Variants in PCMTD1 observed in about 807,000 individuals in gnomAD.
The protein encoded by PCMTD1 is protein-L-isoaspartate (D-aspartate) O-methyltransferase domain containing 1, also known as protein-L-isoaspartate O-methyltransferase domain-containing protein 1.
A neutral mutation model predicts 37.6 loss-of-function variants in PCMTD1; 12 were observed. The ratio of observed to expected loss-of-function variants is 0.32; its 90% CI spans 0.20 to 0.52. PCMTD1 has a LOEUF of 0.52. Ranked by LOEUF, PCMTD1 falls within the 20% of genes least tolerant of loss-of-function variation. The probability of loss-of-function intolerance (pLI) is 0.97; values close to 1 mark genes in which losing one functional copy is unlikely to be tolerated. For missense variants in PCMTD1, 235 were observed against 421.3 expected (o/e 0.56, Z 3.87); for synonymous variants, 117 against 135.8 (o/e 0.86, Z 0.96).
At chr8:51,894,099 G>T (rs558154948) in intron 1 of PCMTD1, among the ~76,000 whole-genome samples, 1 of 152,096 alleles carries the variant, frequency 6.6e-6, no homozygotes, top group Non-Finnish European at 1.5e-5. Flanking sequence ...TGGGAGGTGG[G>T]GGCTCTAGGG....
At chr8:51,854,055 G>A (rs894938135) in intron 2 of PCMTD1, among the ~76,000 whole-genome samples, 1 of 152,130 alleles carries the variant, frequency 6.6e-6, no homozygotes, top group East Asian at 1.9e-4. Flanking sequence ...GACAATCTTG[G>A]TTGGGAAACA....
At chr8:51,879,185 G>C (rs896037769) in intron 1 of PCMTD1, among the ~76,000 whole-genome samples, 1 of 151,168 alleles carries the variant, frequency 6.6e-6, no homozygotes, top group African/African-American at 2.4e-5. Flanking sequence ...TTCCTTCACA[G>C]TATATATGTC....
Position 51,861,253 on chromosome 8 carries a change from G to T in PCMTD1, c.-95-7C>A, listed in dbSNP as rs993223207. 5.6e-6 allele frequency: 8 copies of T among 1,437,842 alleles called. No individual in the cohort carries two copies. In the East Asian group the frequency reaches 7.4e-5, roughly 13 times the overall value. 89.1% of individuals were successfully genotyped at this position (1,437,842 alleles called of 1,614,324 possible). A position where few individuals can be genotyped will look rare whatever the true frequency, so the allele number is the denominator to read the frequency against. On this transcript the variant is annotated splice_polypyrimidine_tract_variant and splice_region_variant and intron_variant, in intron 1 of 5. Coordinates refer to ENST00000522514, the MANE Select transcript of PCMTD1 (RefSeq NM_052937.4). Reference sequence around the variant, plus strand: ...TTCCAAAAATAAATTAATCCTGGAAGGGAAGAACAAAAATAAACAGGTTTA... The same window carrying T: ...TTCCAAAAATAAATTAATCCTGGAATGGAAGAACAAAAATAAACAGGTTTA...
At chr8:51,856,463 A>C (rs1047446915) in intron 2 of PCMTD1, among the ~76,000 whole-genome samples, 3 of 152,216 alleles carry the variant, frequency 2.0e-5, no homozygotes, top group Admixed American at 2.0e-4. Flanking sequence ...TCTCTTAAAA[A>C]CATAAATTTA....
rs2037996841 is a variant in PCMTD1, at chr8:51,831,437, TACTTAC to T, written c.706+1_706+6del. On this transcript the variant is annotated splice_donor_variant and splice_donor_5th_base_variant and intron_variant, in intron 5 of 5. Transcript: ENST00000522514. LOFTEE classifies it high-confidence loss of function. ...AATTCAATCAGAAAATATGAAGAGCTACTTACGGAGTCCCACAGAATCTGGTTTGCC... is the reference window on the plus strand; with the variant it reads ...AATTCAATCAGAAAATATGAAGAGCTGGAGTCCCACAGAATCTGGTTTGCC... The T allele has an allele frequency of 6.2e-7, 1 of 1,611,366 alleles. No homozygotes were observed. Among genetic ancestry groups the T allele is most frequent in the Non-Finnish European group, 8.5e-7 (1 of 1,179,128 alleles).
rs1417173930 is a variant in PCMTD1, at chr8:51,898,944, G to C, written c.-110C>G. 6 of 1,412,596 alleles carry C rather than the reference G, an allele frequency of 4.2e-6. No individual in the cohort carries two copies. Among genetic ancestry groups the C allele is most frequent in the Non-Finnish European group, 5.5e-6 (6 of 1,084,294 alleles). 87.5% of individuals were successfully genotyped at this position (1,412,596 alleles called of 1,614,324 possible). ...GGCGGCGTTACCTGTGGCGCGGGCA[G>C]CGGCGCGCAGGCCAGGCGCTAGGAC... On this transcript the variant is annotated 5_prime_UTR_variant, in exon 1 of 6. Coordinates refer to ENST00000522514, the MANE Select transcript of PCMTD1 (RefSeq NM_052937.4).
intron 5 of PCMTD1, among the ~76,000 whole-genome samples, chr8:51,831,216 T>G (rs900080768): frequency 4.0e-5 from 6 of 151,720 alleles, no homozygotes; most frequent in Non-Finnish European, 8.8e-5. Flanking sequence ...AAGAATCGCT[T>G]GAACCCAGGA....
At chr8:51,845,073 C>T (rs2038198946) in intron 3 of PCMTD1, 1 of 152,234 alleles carries the variant, frequency 6.6e-6, no homozygotes, top group Admixed American at 6.5e-5. Flanking sequence ...GGATTACACA[C>T]CAAATGGACT....
chr8:51,876,222 T>C (rs2038711410), intron 1 of PCMTD1, among the ~76,000 whole-genome samples: 1 of 152,140 alleles, frequency 6.6e-6, no homozygotes, highest in African/African-American at 2.4e-5. Flanking sequence ...ATACTTTTGA[T>C]TTTAGGTGCC....
At chr8:51,877,259 G>A (rs1403851473) in intron 1 of PCMTD1, among the ~76,000 whole-genome samples, 2 of 152,152 alleles carry the variant, frequency 1.3e-5, no homozygotes, top group East Asian at 1.9e-4. Flanking sequence ...TGCTCTGTCC[G>A]GTTTTCACTG....
intron 1 of PCMTD1, among the ~76,000 whole-genome samples, chr8:51,890,739 G>C (rs1384518242): frequency 1.3e-5 from 2 of 152,156 alleles, no homozygotes; most frequent in East Asian, 1.9e-4. Context: ...CATGTGCTTG[G>C]CAGTATAAAT....
chr8:51,866,236 G>A (rs565694748), intron 1 of PCMTD1, among the ~76,000 whole-genome samples: 1 of 152,064 alleles, frequency 6.6e-6, no homozygotes, highest in East Asian at 1.9e-4. Flanking sequence ...ACTACCAACA[G>A]TGGTTTACAG....
At chr8:51,854,401 C>T (rs2038353124) in intron 2 of PCMTD1, among the ~76,000 whole-genome samples, 1 of 151,862 alleles carries the variant, frequency 6.6e-6, no homozygotes, top group Non-Finnish European at 1.5e-5. Flanking sequence ...AGAAATAGAA[C>T]AGTGGTGGCA....
intron 2 of PCMTD1, among the ~76,000 whole-genome samples, chr8:51,852,510 CAACA>C (rs2038322768): frequency 6.6e-6 from 1 of 152,106 alleles, no homozygotes; most frequent in Non-Finnish European, 1.5e-5. Context: ...TGTCAAAATT[CAACA>C]AACATTTTCC....
chr8:51,829,087 C>T (rs535616795), intron 5 of PCMTD1, among the ~76,000 whole-genome samples: 71 of 152,194 alleles, frequency 4.7e-4, no homozygotes, highest in African/African-American at 1.6e-3. Context: ...TTCTGAATTA[C>T]GAAAGGTTGA....
At chr8:51,895,541 G>A (rs1172617356) in intron 1 of PCMTD1, among the ~76,000 whole-genome samples, 1 of 152,184 alleles carries the variant, frequency 6.6e-6, no homozygotes, top group Non-Finnish European at 1.5e-5. Context: ...CGTGCATAAT[G>A]TTCCAAAAAG....
intron 2 of PCMTD1, among the ~76,000 whole-genome samples, chr8:51,859,350 A>G (rs2038438628): frequency 6.6e-6 from 1 of 152,180 alleles, no homozygotes; most frequent in African/African-American, 2.4e-5. Context: ...GAAGTGACAG[A>G]TATCTGGAAG....
intron 2 of PCMTD1, among the ~76,000 whole-genome samples, chr8:51,856,812 T>C (rs75221577): frequency 0.12 from 17,885 of 152,204 alleles, 1,290 homozygotes; most frequent in East Asian, 0.17. Flanking sequence ...GACAAATCTA[T>C]ACAGACAGAA....
intron 5 of PCMTD1, among the ~76,000 whole-genome samples, chr8:51,828,387 T>C (rs190164067): frequency 6.6e-6 from 1 of 152,336 alleles, no homozygotes; most frequent in East Asian, 1.9e-4. Context: ...AACTACAGTA[T>C]AGTCTACTAT....
Sources: allele counts gnomAD v4.1 joint callset (sites outside exome capture counted in the v4.1 genomes callset), GRCh38; gene constraint gnomAD v4.1.1; transcripts MANE v1.5; gene names NCBI Gene and HGNC (gene_info 2026-07-23, HGNC 2026-07-21).